The following FRMD4B variants were observed in gnomAD, a reference collection of about 807,000 sequenced individuals.
FRMD4B encodes FERM domain containing 4B.
Under a neutral mutation model 141.5 loss-of-function variants are expected in FRMD4B, and 74 were observed. The ratio of observed to expected loss-of-function variants is 0.52; its 90% CI spans 0.43 to 0.63. FRMD4B has a LOEUF of 0.63. Ranked by LOEUF, FRMD4B falls within the 30% of genes least tolerant of loss-of-function variation. The pLI is 0.00. For missense variants in FRMD4B, 1,366 were observed against 1,253.4 expected (o/e 1.09, Z -1.36); for synonymous variants, 506 against 467.9 (o/e 1.08, Z -1.05).
At chr3:69,536,053 C>A in intron 1 of FRMD4B, 1 of 419,578 alleles carries the variant, frequency 2.4e-6, no homozygotes, top group South Asian at 2.1e-5. Flanking sequence ...TTAGGGGTGC[C>A]TTCCTAGCCT....
exon 1 of FRMD4B, chr3:69,542,520 C>G (rs1319001469): frequency 6.5e-6 from 1 of 152,750 alleles, no homozygotes; most frequent in East Asian, 1.9e-4. Context: ...CTTTGCTCCA[C>G]ACTTACAGCT....
intron 11 of FRMD4B, among the ~76,000 whole-genome samples, chr3:69,210,541 C>T (rs2093065401): frequency 6.6e-6 from 1 of 151,932 alleles, no homozygotes; most frequent in Non-Finnish European, 1.5e-5. Context: ...CATATTCATA[C>T]ACAAAGGGAG....
chr3:69,214,616 T>C (rs968907388), intron 11 of FRMD4B, among the ~76,000 whole-genome samples: 17 of 152,262 alleles, frequency 1.1e-4, no homozygotes, highest in African/African-American at 4.1e-4. Context: ...CCCAGCACTT[T>C]GGGAGGCTAA....
At chr3:69,438,544 T>C (rs1559527710) in intron 1 of FRMD4B, among the ~76,000 whole-genome samples, 1 of 152,206 alleles carries the variant, frequency 6.6e-6, no homozygotes, top group Admixed American at 6.5e-5. Flanking sequence ...AAAATCTAGC[T>C]GTTGACAAAT....
intron 2 of FRMD4B, among the ~76,000 whole-genome samples, chr3:69,391,097 G>A (rs1160820071): frequency 6.6e-6 from 1 of 151,796 alleles, no homozygotes; most frequent in South Asian, 2.1e-4. Context: ...AAAGTCTTTT[G>A]AGAAATAACC....
intron 6 of FRMD4B, among the ~76,000 whole-genome samples, chr3:69,249,759 C>T (rs1354340670): frequency 6.6e-6 from 1 of 152,182 alleles, no homozygotes; most frequent in African/African-American, 2.4e-5. Context: ...TGCTGCCTCC[C>T]AAATTCAAGT....
At chr3:69,248,655 A>C (rs1258369420) in intron 7 of FRMD4B, among the ~76,000 whole-genome samples, 1 of 152,206 alleles carries the variant, frequency 6.6e-6, no homozygotes, top group African/African-American at 2.4e-5. Flanking sequence ...ATTGCATTAA[A>C]AGGACAGAAT....
At chr3:69,403,620 A>G (rs1704603602) in intron 2 of FRMD4B, among the ~76,000 whole-genome samples, 1 of 152,346 alleles carries the variant, frequency 6.6e-6, no homozygotes, top group South Asian at 2.1e-4. Context: ...CTTCACAGAG[A>G]GGAGAAACAG....
At chr3:69,321,469 T>C (rs1376323809) in intron 1 of FRMD4B, among the ~76,000 whole-genome samples, 1 of 152,174 alleles carries the variant, frequency 6.6e-6, no homozygotes, top group East Asian at 1.9e-4. Context: ...GGTCACCTTC[T>C]AGAGTGAAAT....
chr3:69,541,797 CT>C (rs1212630977), intron 1 of FRMD4B, among the ~76,000 whole-genome samples: 19 of 151,760 alleles, frequency 1.3e-4, no homozygotes, highest in Admixed American at 7.9e-4. Context: ...TTTCCCCCCC[CT>C]CTTTTCGCTG....
chr3:69,389,548 C>CA (rs1704337495), upstream of FRMD4B, among the ~76,000 whole-genome samples: 1 of 152,184 alleles, frequency 6.6e-6, no homozygotes, highest in Non-Finnish European at 1.5e-5. Flanking sequence ...CCCGTGGACT[C>CA]AGAGAAGCTG....
intron 1 of FRMD4B, among the ~76,000 whole-genome samples, chr3:69,384,370 G>A (rs1215652161): frequency 1.3e-5 from 2 of 152,040 alleles, no homozygotes; most frequent in African/African-American, 4.8e-5. Flanking sequence ...CACTCTGGTT[G>A]GCTACAATAT....
chr3:69,211,521 C>A (rs768586252), intron 11 of FRMD4B, among the ~76,000 whole-genome samples: 13 of 152,182 alleles, frequency 8.5e-5, no homozygotes, highest in Non-Finnish European at 1.8e-4. Context: ...CAGGTGATAA[C>A]TGATACAGAA....
At chr3:69,293,611 C>T (rs371913552) in intron 4 of FRMD4B, among the ~76,000 whole-genome samples, 9 of 151,916 alleles carry the variant, frequency 5.9e-5, no homozygotes, top group Non-Finnish European at 1.0e-4. Context: ...TGGCCAGGCG[C>T]GGCTCATGCC....
chr3:69,458,863 A>AAT, intron 1 of FRMD4B, among the ~76,000 whole-genome samples: 1 of 151,520 alleles, frequency 6.6e-6, no homozygotes, highest in African/African-American at 2.4e-5. Context: ...AAAAAAAAAA[A>AAT]AAAAAAAAAA....
intron 5 of FRMD4B, among the ~76,000 whole-genome samples, chr3:69,272,412 G>C (rs1403524761): frequency 6.6e-6 from 1 of 152,094 alleles, no homozygotes; most frequent in Admixed American, 6.5e-5. Context: ...CGCCTGCCTC[G>C]GCCTCCCAAA....
At chr3:69,346,457 T>C (rs1159445282) in intron 1 of FRMD4B, among the ~76,000 whole-genome samples, 1 of 152,076 alleles carries the variant, frequency 6.6e-6, no homozygotes, top group Non-Finnish European at 1.5e-5. Context: ...CAGGCCAACC[T>C]TCAAATTCAG....
chr3:69,271,843 C>T (rs1336274807), intron 5 of FRMD4B, among the ~76,000 whole-genome samples: 1 of 152,116 alleles, frequency 6.6e-6, no homozygotes, highest in South Asian at 2.1e-4. Context: ...GGCATGGTGG[C>T]GGACGCCTAT....
At chr3:69,418,822 A>ATG (rs147894176) in intron 2 of FRMD4B, among the ~76,000 whole-genome samples, 6,379 of 150,344 alleles carry the variant, frequency 0.042, 175 homozygotes, top group African/African-American at 0.085. Flanking sequence ...CATAGCAACT[A>ATG]TGTGTGTGTG....
Sources: gnomAD v4.1 joint callset for allele counts (sites outside exome capture counted in the v4.1 genomes callset) on GRCh38, gnomAD v4.1.1 for gene constraint, MANE v1.5 for transcripts, NCBI Gene and HGNC (gene_info 2026-07-23, HGNC 2026-07-21) for gene names.